STX18: variants seen among roughly 807,000 people sequenced by gnomAD.
STX18 encodes syntaxin-18.
In STX18, 40 loss-of-function variants were observed where a neutral mutation model predicts 50.1. The observed-to-expected ratio is 0.80, with a 90% CI of 0.62 to 1.04. The LOEUF is 1.04. STX18 is among the 50% of genes least tolerant of loss of function. The pLI is 0.00. For synonymous variants in STX18, 158 were observed against 151.8 expected (o/e 1.04, Z -0.30); for missense variants, 410 against 415.8 (o/e 0.99, Z 0.12).
chr4:4,422,690 T>C (rs74405162), intron 9 of STX18, among the ~76,000 whole-genome samples: 2,006 of 152,262 alleles, frequency 0.013, 44 homozygotes, highest in Middle Eastern at 0.051. Context: ...GCTGGGAGGT[T>C]TGAAGCAGGG....
At chr4:4,481,335 T>G (rs188569519) in intron 1 of STX18, among the ~76,000 whole-genome samples, 73 of 152,326 alleles carry the variant, frequency 4.8e-4, no homozygotes, top group East Asian at 1.2e-3. Flanking sequence ...AACAAAGACC[T>G]GATTGATTAT....
chr4:4,503,719 A>G (rs1373112942), intron 1 of STX18, among the ~76,000 whole-genome samples: 2 of 152,156 alleles, frequency 1.3e-5, no homozygotes, highest in African/African-American at 4.8e-5. Flanking sequence ...ATGTGGGGAA[A>G]GTGAAATGGA....
intron 1 of STX18, among the ~76,000 whole-genome samples, chr4:4,509,922 A>G (rs1183122615): frequency 6.6e-6 from 1 of 152,216 alleles, no homozygotes; most frequent in Non-Finnish European, 1.5e-5. Flanking sequence ...GGTGTGTATC[A>G]AGCATGCGTG....
chr4:4,485,054 T>C (rs1450508665), intron 1 of STX18, among the ~76,000 whole-genome samples: 1 of 152,228 alleles, frequency 6.6e-6, no homozygotes, highest in Non-Finnish European at 1.5e-5. Context: ...GCATGCATGC[T>C]GCATTCTTCT....
intron 1 of STX18, among the ~76,000 whole-genome samples, chr4:4,496,889 G>A (rs1262272829): frequency 2.6e-5 from 4 of 152,244 alleles, no homozygotes; most frequent in Middle Eastern, 3.4e-3. Context: ...GGGAAGCAGC[G>A]ACTTACACAC....
chr4:4,428,363 T>C (rs1725357642), intron 7 of STX18, among the ~76,000 whole-genome samples: 2 of 152,246 alleles, frequency 1.3e-5, no homozygotes, highest in South Asian at 4.1e-4. Context: ...GCCCCTCACC[T>C]TCTAAGCAGT....
intron 2 of STX18, among the ~76,000 whole-genome samples, chr4:4,461,270 C>T (rs1230388283): frequency 7.9e-5 from 12 of 152,096 alleles, no homozygotes. Context: ...TTAGTAAGAA[C>T]AACAGAAACC....
intron 1 of STX18, among the ~76,000 whole-genome samples, chr4:4,537,321 T>C (rs1731390711): frequency 2.0e-5 from 3 of 152,210 alleles, no homozygotes; most frequent in South Asian, 4.1e-4. Context: ...CTGTGAGGGA[T>C]GTTTTTGTTG....
intron 1 of STX18, among the ~76,000 whole-genome samples, chr4:4,510,789 G>A (rs938421097): frequency 3.9e-5 from 6 of 152,194 alleles, no homozygotes; most frequent in Non-Finnish European, 7.3e-5. Flanking sequence ...TAAAGCAAAT[G>A]TGGCACATAT....
At chr4:4,526,268 T>C (rs1231275589) in intron 1 of STX18, among the ~76,000 whole-genome samples, 1 of 152,120 alleles carries the variant, frequency 6.6e-6, no homozygotes, top group Non-Finnish European at 1.5e-5. Context: ...AGCAGCAGAA[T>C]GGATGAGACG....
intron 1 of STX18, among the ~76,000 whole-genome samples, chr4:4,532,891 T>C (rs1385263246): frequency 2.0e-5 from 3 of 152,186 alleles, no homozygotes; most frequent in African/African-American, 7.2e-5. Context: ...TTCTTATCAT[T>C]TGACTACAAA....
intron 2 of STX18, among the ~76,000 whole-genome samples, chr4:4,460,769 G>T (rs1341641540): frequency 6.6e-6 from 1 of 152,152 alleles, no homozygotes; most frequent in African/African-American, 2.4e-5. Flanking sequence ...GGCTTGGGAT[G>T]GCAACCATGA....
intron 1 of STX18, among the ~76,000 whole-genome samples, chr4:4,476,850 C>G (rs1393268279): frequency 1.3e-5 from 2 of 152,096 alleles, no homozygotes; most frequent in East Asian, 3.9e-4. Context: ...TGGGGGGTTC[C>G]TTGTGCTATT....
chr4:4,502,080 A>G (rs879094612), intron 1 of STX18, among the ~76,000 whole-genome samples: 1 of 152,258 alleles, frequency 6.6e-6, no homozygotes, highest in Admixed American at 6.5e-5. Context: ...TAATATGTCT[A>G]AACAGCATAG....
chr4:4,474,392 T>C (rs1728071211), intron 1 of STX18, among the ~76,000 whole-genome samples: 1 of 152,166 alleles, frequency 6.6e-6, no homozygotes, highest in African/African-American at 2.4e-5. Flanking sequence ...GAATAAATAG[T>C]GGGTACTGAA....
intron 2 of STX18, among the ~76,000 whole-genome samples, chr4:4,466,467 A>G (rs889712379): frequency 6.6e-6 from 1 of 152,194 alleles, no homozygotes; most frequent in Non-Finnish European, 1.5e-5. Flanking sequence ...TGAAGAGGGA[A>G]GCACGTGATT....
chr4:4,531,776 A>C (rs1433132159), intron 1 of STX18, among the ~76,000 whole-genome samples: 1 of 152,248 alleles, frequency 6.6e-6, no homozygotes, highest in Non-Finnish European at 1.5e-5. Context: ...TAAAACATTT[A>C]ATACTTTCAA....
chr4:4,471,742 A>T (rs748102771), intron 1 of STX18, 36 bp from the exon 2 acceptor site: 1 of 1,396,160 alleles, frequency 7.2e-7, no homozygotes, highest in East Asian at 2.3e-5. Flanking sequence ...GTTTATATAG[A>T]TATGTTACAC....
chr4:4,530,732 G>A (rs530084778), intron 1 of STX18, among the ~76,000 whole-genome samples: 3 of 151,986 alleles, frequency 2.0e-5, no homozygotes, highest in Admixed American at 2.0e-4. Flanking sequence ...CAGCCTCCCG[G>A]GTAGCTGAGA....
Sources: allele counts gnomAD v4.1 joint callset (sites outside exome capture counted in the v4.1 genomes callset), GRCh38; gene constraint gnomAD v4.1.1; transcripts MANE v1.5; gene names NCBI Gene and HGNC (gene_info 2026-07-23, HGNC 2026-07-21).